The following SLC25A30 variants were observed in gnomAD, a reference collection of about 807,000 sequenced individuals.
SLC25A30 encodes the protein kidney mitochondrial carrier protein 1.
Under a neutral mutation model 42.7 loss-of-function variants are expected in SLC25A30, and 29 were observed. The observed-to-expected ratio is 0.68, with a 90% CI of 0.51 to 0.93. The LOEUF (loss-of-function observed/expected upper bound fraction) is 0.93, where lower values mean the gene tolerates loss of function less well. SLC25A30 is among the 40% of genes least tolerant of loss of function. SLC25A30 has a pLI of 0.00. For synonymous variants in SLC25A30, 124 were observed against 131.0 expected (o/e 0.95, Z 0.37); for missense variants, 300 against 359.7 (o/e 0.83, Z 1.34).
chr13:45,411,242 C>T (rs1329734673), intron 2 of SLC25A30, 120 bp downstream of exon 2: 6 of 831,944 alleles, frequency 7.2e-6, no homozygotes, highest in Non-Finnish European at 1.2e-5. Flanking sequence ...ACCCAGCTAA[C>T]AGACATTTTG....
chr13:45,396,116 A>G, intron 9 of SLC25A30, 101 bp from the exon 10 acceptor site: 1 of 1,610,230 alleles, frequency 6.2e-7, no homozygotes, highest in Non-Finnish European at 8.5e-7. Flanking sequence ...AAATAGGTAC[A>G]GGCAGACCCA....
chr13:45,424,389 A>C, the SLC25A30 span, among the ~76,000 whole-genome samples: 1 of 73,488 alleles, frequency 1.4e-5, no homozygotes, highest in Non-Finnish European at 2.3e-5. Flanking sequence ...ATAGATATAT[A>C]AATATATAAA....
In SLC25A30 at chr13:45,395,321, G is replaced by C; in HGVS notation, c.*653C>G. ...CAAAGCCAACACATAACACCACCAC[G>C]AATTTAGAGATTATTACTTTGTAAC... On this transcript the variant is annotated 3_prime_UTR_variant, in exon 10 of 10. Transcript: ENST00000519676. 1 of 986,110 alleles carries C rather than the reference G, an allele frequency of 1.0e-6. No homozygotes were observed. Among genetic ancestry groups the C allele is most frequent in the Non-Finnish European group, 1.2e-6 (1 of 830,460 alleles). The allele number at this position is 986,110 out of a possible 1,614,324, so 61.1% of individuals were successfully genotyped here. A position where few individuals can be genotyped will look rare whatever the true frequency, so the allele number is the denominator to read the frequency against.
chr13:45,419,745 T>C (rs530473287), upstream of SLC25A30, among the ~76,000 whole-genome samples: 4 of 151,108 alleles, frequency 2.6e-5, no homozygotes, highest in South Asian at 8.4e-4. Context: ...GCCTGACCAA[T>C]ATGGAGAAAA....
chr13:45,430,769 T>G, the SLC25A30 span, among the ~76,000 whole-genome samples: 1 of 152,144 alleles, frequency 6.6e-6, no homozygotes, highest in African/African-American at 2.4e-5. Context: ...ATCATGCCAC[T>G]GCACTTCAGT....
intron 1 of SLC25A30, among the ~76,000 whole-genome samples, chr13:45,413,487 G>A (rs536616890): frequency 5.9e-4 from 89 of 151,958 alleles, no homozygotes; most frequent in Non-Finnish European, 1.1e-3. Flanking sequence ...CGCATCTGTA[G>A]TTCCTGAAAG....
chr13:45,417,574 T>G (rs899385903), intron 1 of SLC25A30, among the ~76,000 whole-genome samples: 2 of 152,142 alleles, frequency 1.3e-5, no homozygotes, highest in African/African-American at 4.8e-5. Context: ...AATTATCATC[T>G]CGTTTCACGT....
chr13:45,419,596 GGT>G (rs1883825602), upstream of SLC25A30, among the ~76,000 whole-genome samples: 1 of 151,352 alleles, frequency 6.6e-6, no homozygotes, highest in Admixed American at 6.6e-5. Flanking sequence ...TGCCATTACA[GGT>G]GTGAGCCACG....
Position 45,405,772 on chromosome 13 carries a change from A to G in SLC25A30, c.307+111T>C, listed in dbSNP as rs188557380. 7.2e-5 allele frequency: 64 copies of G among 890,248 alleles called. No homozygotes were observed. In the African/African-American group the frequency reaches 9.9e-4, roughly 14 times the overall value. 55.1% of individuals were successfully genotyped at this position (890,248 alleles called of 1,614,324 possible). A position where few individuals can be genotyped will look rare whatever the true frequency, so the allele number is the denominator to read the frequency against. On this transcript the variant is annotated intron_variant, in intron 4 of 9. Coordinates refer to ENST00000519676, the MANE Select transcript of SLC25A30 (RefSeq NM_001010875.4). ...AAGACTTTACACCCAGAGTTCTTGT[A>G]GCAGTAGGAAAGTCACAAATAAGCT... is the stretch of plus-strand genomic sequence containing the variant.
At chr13:45,404,675 T>C (rs113630328) in intron 4 of SLC25A30, among the ~76,000 whole-genome samples, 4,069 of 152,050 alleles carry the variant, frequency 0.027, 188 homozygotes, top group African/African-American at 0.091. Flanking sequence ...AAAAATTAGC[T>C]GGACATGGTG....
At chr13:45,422,803 A>T (rs1436027340), upstream of SLC25A30, among the ~76,000 whole-genome samples, 4 of 152,176 alleles carry the variant, frequency 2.6e-5, no homozygotes, top group Admixed American at 6.5e-5. Flanking sequence ...CCCCAAACAC[A>T]GGGATACTCC....
At chr13:45,423,581 A>G in the SLC25A30 span, among the ~76,000 whole-genome samples, 5 of 65,026 alleles carry the variant, frequency 7.7e-5, no homozygotes, top group African/African-American at 2.5e-4. Context: ...ATATATAAAA[A>G]TATATATAAA....
upstream of SLC25A30, among the ~76,000 whole-genome samples, chr13:45,423,325 G>A (rs1883940636): frequency 6.6e-6 from 1 of 151,366 alleles, no homozygotes; most frequent in African/African-American, 2.4e-5. Flanking sequence ...CAACAGTGCA[G>A]GGAAACTCAT....
intron 2 of SLC25A30, among the ~76,000 whole-genome samples, chr13:45,409,569 G>A (rs1882826460): frequency 6.6e-6 from 1 of 152,150 alleles, no homozygotes; most frequent in African/African-American, 2.4e-5. Flanking sequence ...AGCACTTTGG[G>A]AGGCTGAGGT....
rs548447662 is a variant in SLC25A30 at position 45,416,556 on chromosome 13, C to T, written c.-56+1744G>A. Among the ~76,000 whole-genome samples, 3 of 152,154 alleles carry T rather than the reference C, an allele frequency of 2.0e-5. No homozygotes were observed. In the South Asian group the frequency reaches 6.2e-4, roughly 32 times the overall value. ...CTGAGGCTGGAGAATAGCTTGAGGC[C>T]AGGGGTTCAAGACCAGCCTGGGCAA... On this transcript the variant is annotated intron_variant, in intron 1 of 9. Coordinates refer to ENST00000519676, the MANE Select transcript of SLC25A30 (RefSeq NM_001010875.4).
intron 3 of SLC25A30, 54 bp downstream of exon 3, chr13:45,408,871 CTA>C (rs1882750418): frequency 2.0e-6 from 3 of 1,532,636 alleles, no homozygotes; most frequent in Admixed American, 2.0e-5. Flanking sequence ...GGTCTGAAGT[CTA>C]TACCCATGTG....
intron 4 of SLC25A30, among the ~76,000 whole-genome samples, chr13:45,405,662 T>C (rs1882429729): frequency 6.6e-6 from 1 of 152,218 alleles, no homozygotes; most frequent in African/African-American, 2.4e-5. Context: ...GGACAACTAA[T>C]TAAAATGTTT....
At chr13:45,423,790 A>ATAAATATG in the SLC25A30 span, among the ~76,000 whole-genome samples, 1 of 75,156 alleles carries the variant, frequency 1.3e-5, no homozygotes, top group African/African-American at 5.7e-5. Flanking sequence ...ATATAAATAT[A>ATAAATATG]TAAATATATA....
chr13:45,405,445 G>GA (rs2137657614), intron 4 of SLC25A30, among the ~76,000 whole-genome samples: 1 of 152,272 alleles, frequency 6.6e-6, no homozygotes, highest in East Asian at 1.9e-4. Flanking sequence ...ATCCCATTGT[G>GA]AAAAGAGATG....
Sources: gnomAD v4.1 joint callset for allele counts (sites outside exome capture counted in the v4.1 genomes callset) on GRCh38, gnomAD v4.1.1 for gene constraint, MANE v1.5 for transcripts, NCBI Gene and HGNC (gene_info 2026-07-23, HGNC 2026-07-21) for gene names.